LRRC23: variants seen among roughly 807,000 people sequenced by gnomAD.
LRRC23 encodes the protein leucine-rich repeat-containing protein 23.
A neutral mutation model predicts 37.7 loss-of-function variants in LRRC23; 28 were observed. That is an observed-to-expected ratio of 0.74 (90% CI 0.55 to 1.02). LRRC23 has a LOEUF of 1.02. LRRC23 is among the 50% of genes least tolerant of loss of function. LRRC23 has a pLI of 0.00. For missense variants in LRRC23, 377 were observed against 413.2 expected (o/e 0.91, Z 0.76); for synonymous variants, 161 against 165.4 (o/e 0.97, Z 0.20).
chr12:6,907,743 C>T (rs781834305), intron 5 of LRRC23: 1 of 574,802 alleles, frequency 1.7e-6, no homozygotes, highest in Non-Finnish European at 3.1e-6. Flanking sequence ...ACCCTCCTCT[C>T]AGACTGGGTT....
intron 5 of LRRC23, among the ~76,000 whole-genome samples, chr12:6,908,346 C>T (rs1421541543): frequency 1.3e-5 from 2 of 151,988 alleles, no homozygotes; most frequent in African/African-American, 4.8e-5. Flanking sequence ...TCTGTAATCC[C>T]AGCACTTTGG....
chr12:6,909,809 T>G, intron 5 of LRRC23, 81 bp from the exon 6 acceptor site: 1 of 1,373,322 alleles, frequency 7.3e-7, no homozygotes, highest in Non-Finnish European at 1.0e-6. Flanking sequence ...GATTTCCTCT[T>G]TTGCTTTATC....
At chr12:6,905,464 G>A in intron 1 of LRRC23, 121 bp from the exon 2 acceptor site, 2 of 626,360 alleles carry the variant, frequency 3.2e-6, no homozygotes, top group African/African-American at 1.8e-5. Flanking sequence ...ATGTTCACAG[G>A]GATAAGGAAA....
rs375861783 is a variant in LRRC23 at position 6,905,941 on chromosome 12, G to C, written c.223G>C (p.Glu75Gln). 4 of 1,613,884 alleles carry C rather than the reference G, an allele frequency of 2.5e-6. No homozygotes were observed. The highest frequency in any genetic ancestry group is 3.4e-6 in the Non-Finnish European group (4 of 1,179,968). ...NGLAHAYVKLEVKERDLTDIY... is the reference protein window; with the variant it reads ...NGLAHAYVKLQVKERDLTDIY... ...GCTGGCTCATGCTTATGTCAAGCTG[G>C]AGGTTAAAGAGAGGTGCGTTTTGGG... Residue 75 changes from glutamate to glutamine, a missense_variant, in exon 3 of 8, where the codon GAG (glutamate) becomes CAG (glutamine). Physicochemically the swap from Glu to Gln is conservative, Grantham distance 29. Transcript: ENST00000443597.
intron 6 of LRRC23, among the ~76,000 whole-genome samples, chr12:6,911,556 G>C (rs1421075044): frequency 1.3e-5 from 2 of 152,048 alleles, no homozygotes; most frequent in African/African-American, 4.8e-5. Context: ...GGTGCCTCTG[G>C]GGCCAGAGAT....
At chr12:6,906,786 C>A in intron 4 of LRRC23, 124 bp downstream of exon 4, 2 of 1,042,152 alleles carry the variant, frequency 1.9e-6, no homozygotes, top group Non-Finnish European at 2.8e-6. Context: ...TTCAGATACG[C>A]AATATGATTC....
intron 5 of LRRC23, 34 bp from the exon 6 acceptor site, chr12:6,909,856 C>T (rs782038056): frequency 5.7e-6 from 9 of 1,590,498 alleles, no homozygotes; most frequent in Non-Finnish European, 7.7e-6. Flanking sequence ...TCCCTGCTCC[C>T]TCTCAATCAA....
chr12:6,906,195 T>A (rs1311673998), intron 3 of LRRC23, among the ~76,000 whole-genome samples: 1 of 151,994 alleles, frequency 6.6e-6, no homozygotes, highest in East Asian at 1.9e-4. Flanking sequence ...TCTTTCAGAG[T>A]ATGGGTTCTC....
intron 5 of LRRC23, among the ~76,000 whole-genome samples, chr12:6,908,634 C>G: frequency 8.4e-6 from 1 of 118,424 alleles, no homozygotes; most frequent in Non-Finnish European, 1.7e-5. Flanking sequence ...AAGAAAAACA[C>G]GGTGAAACCC....
At chr12:6,912,129 G>A (rs1033411508) in intron 6 of LRRC23, among the ~76,000 whole-genome samples, 3 of 152,062 alleles carry the variant, frequency 2.0e-5, no homozygotes, top group African/African-American at 7.2e-5. Context: ...AGCACGAACC[G>A]AGCATCCACC....
rs929009998 is a variant in LRRC23 at position 6,904,874 on chromosome 12, A to T, written c.-251A>T. The T allele has an allele frequency of 6.6e-6, 1 of 152,208 alleles. No homozygotes were observed. The highest frequency in any genetic ancestry group is 1.5e-5 in the Non-Finnish European group (1 of 68,064). The allele number at this position is 152,208 out of a possible 1,614,324, so 9.4% of individuals were successfully genotyped here. On this transcript the variant is annotated 5_prime_UTR_variant, in exon 1 of 8. Coordinates refer to ENST00000443597, the MANE Select transcript of LRRC23 (RefSeq NM_001135217.2). Reference sequence around the variant, plus strand: ...CGTGGTAACCAGGCAACTACTGATCAATCCCCTCCCCGGCTGATTTGCGCA... The same window carrying T: ...CGTGGTAACCAGGCAACTACTGATCTATCCCCTCCCCGGCTGATTTGCGCA...
intron 5 of LRRC23, among the ~76,000 whole-genome samples, chr12:6,908,403 C>A (rs1286397396): frequency 5.3e-5 from 8 of 151,734 alleles, no homozygotes; most frequent in Non-Finnish European, 1.2e-4. Context: ...TCGAAACCAG[C>A]CTGGCCAACA....
chr12:6,908,610 A>AC (rs1555140034), intron 5 of LRRC23, among the ~76,000 whole-genome samples: 1 of 121,130 alleles, frequency 8.3e-6, no homozygotes, highest in Non-Finnish European at 1.7e-5. Flanking sequence ...AAAAAAAAAA[A>AC]AAAAAAAAAA....
At chr12:6,913,314 T>A (rs782182075) in intron 7 of LRRC23, 80 of 392,660 alleles carry the variant, frequency 2.0e-4, no homozygotes, top group Non-Finnish European at 3.5e-4. Context: ...CAGAGTGAAG[T>A]CGGCTAGGAA....
At chr12:6,906,785 G>A (rs1316496025) in intron 4 of LRRC23, 123 bp downstream of exon 4, 7 of 1,060,572 alleles carry the variant, frequency 6.6e-6, no homozygotes, top group Middle Eastern at 2.2e-4. Flanking sequence ...ATTCAGATAC[G>A]CAATATGATT....
rs1555140897 is a variant in LRRC23, at chr12:6,912,710, C to G, written c.759-20C>G. ...AAAGCCCATTATTCCTGCATGAACC[C>G]CTCCTGACCACACTGGCAGGGGCAA... On this transcript the variant is annotated intron_variant, in intron 6 of 7. Transcript: ENST00000443597. 6 of 1,610,064 alleles carry G rather than the reference C, an allele frequency of 3.7e-6. No individual in the cohort carries two copies. Among genetic ancestry groups the G allele is most frequent in the Non-Finnish European group, 5.1e-6 (6 of 1,177,858 alleles).
Position 6,905,585 on chromosome 12 carries a change from G to C in LRRC23, c.-49G>C, listed in dbSNP as rs1944921115. 6.2e-6 allele frequency: 10 copies of C among 1,603,394 alleles called. No homozygotes were observed. The highest frequency in any genetic ancestry group is 6.8e-6 in the Non-Finnish European group (8 of 1,172,484). On this transcript the variant is annotated splice_region_variant and 5_prime_UTR_variant, in exon 2 of 8. Coordinates refer to ENST00000443597, the MANE Select transcript of LRRC23 (RefSeq NM_001135217.2). ...AAGCTGATGAGACCTTCTTTTTCAG[G>C]AGGAGGACTGAGCTTATCTGACTCC...
chr12:6,914,117 GGCGTGGGTGAGAGCCAAGACC>G lies in LRRC23; in HGVS notation c.*259_*279del, dbSNP rs1555141260. On this transcript the variant is annotated 3_prime_UTR_variant, in exon 8 of 8. Transcript: ENST00000443597. The surrounding 1 kb of genome is among the most constrained non-coding windows in gnomAD (Gnocchi z 7.1). ...CTAGGCCGGGGGCCGCCCTCGGGCA[GGCGTGGGTGAGAGCCAAGACC>G]GCGTGGGCCGCGGGGTGCTGGTAGG... 6.7e-7 allele frequency: 1 copy of G among 1,502,336 alleles called. No individual in the cohort carries two copies. The highest frequency in any genetic ancestry group is 2.3e-5 in the Admixed American group (1 of 44,392). The allele number at this position is 1,502,336 out of a possible 1,614,324, so 93.1% of individuals were successfully genotyped here.
chr12:6,906,848 G>A (rs879986969), intron 4 of LRRC23, 186 bp downstream of exon 4: 14 of 655,428 alleles, frequency 2.1e-5, no homozygotes, highest in Middle Eastern at 8.2e-4. Flanking sequence ...GACAAGGAAC[G>A]TCCCTATTCT....
Sources: gnomAD v4.1 joint callset for allele counts (sites outside exome capture counted in the v4.1 genomes callset) on GRCh38, gnomAD v4.1.1 for gene constraint, Gnocchi (gnomAD v3.1) non-coding constraint, MANE v1.5 for transcripts, NCBI Gene and HGNC (gene_info 2026-07-23, HGNC 2026-07-21) for gene names.